The following FHIT variants were observed in gnomAD, a reference collection of about 807,000 sequenced individuals.
FHIT encodes fragile histidine triad diadenosine triphosphatase.
Under a neutral mutation model 17.9 loss-of-function variants are expected in FHIT, and 19 were observed. The observed-to-expected ratio is 1.06, with a 90% confidence interval of 0.74 to 1.56. The LOEUF (loss-of-function observed/expected upper bound fraction) is 1.56, where lower values mean the gene tolerates loss of function less well. FHIT is among the 40% of genes most tolerant of loss of function. The pLI, the probability that FHIT is intolerant of heterozygous loss-of-function variation, is 0.00. For synonymous variants in FHIT, 81 were observed against 69.7 expected, an observed-to-expected ratio of 1.16 and a Z score of -0.81; for missense variants, 248 against 189.2, an observed-to-expected ratio of 1.31 and a Z score of -1.82.
chr3:60,665,123 T>G (rs1394436821), intron 4 of FHIT, among the ~76,000 whole-genome samples: 1 of 151,962 alleles, frequency 6.6e-6, no homozygotes, highest in Admixed American at 6.6e-5. Context: ...GTTTTAGAGA[T>G]TTTTCTGCTA....
chr3:60,290,747 T>G (rs1707946550), intron 5 of FHIT, among the ~76,000 whole-genome samples: 1 of 152,116 alleles, frequency 6.6e-6, no homozygotes, highest in Non-Finnish European at 1.5e-5. Context: ...GGGTTTTGCC[T>G]GTTTGGAAGT....
intron 3 of FHIT, among the ~76,000 whole-genome samples, chr3:60,959,800 T>TC (rs1709328721): frequency 6.7e-6 from 1 of 149,988 alleles, no homozygotes; most frequent in East Asian, 1.9e-4. Flanking sequence ...AGAGGCTTTT[T>TC]CTTTTTTTTT....
chr3:60,838,393 A>G (rs974148561), intron 3 of FHIT, among the ~76,000 whole-genome samples: 5 of 152,024 alleles, frequency 3.3e-5, no homozygotes, highest in Non-Finnish European at 7.4e-5. Context: ...AATCGCTTGA[A>G]CCCGGGAGGC....
At chr3:59,857,381 C>A (rs544333981) in intron 8 of FHIT, among the ~76,000 whole-genome samples, 1 of 151,990 alleles carries the variant, frequency 6.6e-6, no homozygotes, top group Non-Finnish European at 1.5e-5. Context: ...TTTAAACATT[C>A]TGGCCACTTC....
At chr3:60,816,237 C>G (rs924738383) in intron 4 of FHIT, among the ~76,000 whole-genome samples, 1 of 152,018 alleles carries the variant, frequency 6.6e-6, no homozygotes, top group African/African-American at 2.4e-5. Flanking sequence ...TTATTTCTTT[C>G]TCTTGCCTGA....
chr3:60,169,450 G>A (rs142141728), intron 5 of FHIT, among the ~76,000 whole-genome samples: 4 of 152,240 alleles, frequency 2.6e-5, no homozygotes, highest in Non-Finnish European at 5.9e-5. Context: ...TGCATAGGGA[G>A]GCAACGTAAT....
intron 5 of FHIT, among the ~76,000 whole-genome samples, chr3:60,268,313 CAGATT>C (rs1706688552): frequency 2.0e-5 from 3 of 152,206 alleles, no homozygotes; most frequent in African/African-American, 7.2e-5. Flanking sequence ...TTCTCATTCT[CAGATT>C]AGATTACTAA....
intron 2 of FHIT, among the ~76,000 whole-genome samples, chr3:61,128,467 C>A (rs897115710): frequency 1.3e-5 from 2 of 152,038 alleles, no homozygotes; most frequent in African/African-American, 4.8e-5. Context: ...TTTAATCTAA[C>A]CTGCAATTAC....
chr3:59,858,558 C>T (rs928954625), intron 8 of FHIT, among the ~76,000 whole-genome samples: 1 of 151,822 alleles, frequency 6.6e-6, no homozygotes, highest in Admixed American at 6.6e-5. Context: ...GAAATGATAG[C>T]ATCTGAGGAG....
intron 2 of FHIT, among the ~76,000 whole-genome samples, chr3:61,099,594 T>TC (rs1456188279): frequency 6.6e-6 from 1 of 152,146 alleles, no homozygotes; most frequent in Non-Finnish European, 1.5e-5. Context: ...ATTTCAGAGC[T>TC]CCCTATTGGT....
chr3:60,616,711 A>C (rs1403700726), intron 4 of FHIT: 1 of 152,224 alleles, frequency 6.6e-6, no homozygotes, highest in African/African-American at 2.4e-5. Flanking sequence ...CCACATACGC[A>C]GACAGGAAAT....
intron 5 of FHIT, among the ~76,000 whole-genome samples, chr3:60,175,182 G>A (rs756036652): frequency 2.0e-5 from 3 of 152,234 alleles, no homozygotes; most frequent in Non-Finnish European, 2.9e-5. Flanking sequence ...CCACAGAGCT[G>A]GATTTTTATA....
intron 5 of FHIT, among the ~76,000 whole-genome samples, chr3:60,199,235 G>T (rs213295): frequency 4.5e-4 from 68 of 152,300 alleles, no homozygotes; most frequent in Admixed American, 6.5e-4. Context: ...AGCAGCCTGA[G>T]AACATGTTAC....
intron 2 of FHIT, among the ~76,000 whole-genome samples, chr3:61,092,543 T>C (rs978362121): frequency 2.6e-5 from 4 of 152,080 alleles, no homozygotes; most frequent in Admixed American, 2.6e-4. Flanking sequence ...ATAAATTATT[T>C]TGTTAAAAAA....
intron 1 of FHIT, among the ~76,000 whole-genome samples, chr3:61,213,961 G>A (rs2039580666): frequency 6.6e-6 from 1 of 151,944 alleles, no homozygotes; most frequent in African/African-American, 2.4e-5. Flanking sequence ...AAACCAACGA[G>A]AACAAAGACA....
chr3:60,557,170 A>T (rs1459662046), intron 4 of FHIT, among the ~76,000 whole-genome samples: 2 of 152,036 alleles, frequency 1.3e-5, no homozygotes, highest in Non-Finnish European at 2.9e-5. Context: ...TATCACCCTA[A>T]TTTTACAAAA....
intron 5 of FHIT, among the ~76,000 whole-genome samples, chr3:60,058,130 GTTTTTTTTTTTTTTT>G (rs71089573): frequency 1.5e-5 from 1 of 66,272 alleles, no homozygotes; most frequent in East Asian, 4.1e-4. Context: ...ACAGAGTTGT[GTTTTTTTTTTTTTTT>G]TTTTTTTTTT....
intron 8 of FHIT, among the ~76,000 whole-genome samples, chr3:59,896,910 CAAGGA>C (rs1704096779): frequency 6.6e-6 from 1 of 152,142 alleles, no homozygotes; most frequent in Non-Finnish European, 1.5e-5. Context: ...CTGAATGCAA[CAAGGA>C]AAGAAGCCAG....
chr3:59,761,537 A>G (rs1392273312), intron 8 of FHIT, among the ~76,000 whole-genome samples: 1 of 152,142 alleles, frequency 6.6e-6, no homozygotes, highest in Non-Finnish European at 1.5e-5. Flanking sequence ...AAATAGAACA[A>G]TTGTAACAAT....
Sources: gnomAD v4.1 joint callset for allele counts (sites outside exome capture counted in the v4.1 genomes callset) on GRCh38, gnomAD v4.1.1 for gene constraint, MANE v1.5 for transcripts, NCBI Gene and HGNC (gene_info 2026-07-23, HGNC 2026-07-21) for gene names.